CTDSPL: variants seen among roughly 807,000 people sequenced by gnomAD.
CTDSPL encodes the protein CTD small phosphatase-like protein.
CTDSPL carries 8 observed loss-of-function variants against 30.5 expected under a neutral mutation model. That is an observed-to-expected ratio of 0.26 (90% CI 0.15 to 0.47). The LOEUF is 0.47. Among genes scored for constraint, CTDSPL ranks in the 20% least tolerant of loss-of-function variants. The pLI, the probability that CTDSPL is intolerant of heterozygous loss-of-function variation, is 0.99. For missense variants in CTDSPL, 248 were observed against 366.1 expected (o/e 0.68, Z 2.63); for synonymous variants, 110 against 137.9 (o/e 0.80, Z 1.42).
At chr3:37,892,312 G>C (rs921016454) in intron 1 of CTDSPL, among the ~76,000 whole-genome samples, 4 of 152,114 alleles carry the variant, frequency 2.6e-5, no homozygotes, top group Non-Finnish European at 4.4e-5. Flanking sequence ...ATTAAAAAAG[G>C]CTAAATGAAG....
At chr3:37,961,352 A>C (rs1338414277) in intron 3 of CTDSPL, among the ~76,000 whole-genome samples, 1 of 152,196 alleles carries the variant, frequency 6.6e-6, no homozygotes, top group Non-Finnish European at 1.5e-5. Context: ...AGGGAACGAA[A>C]GTTTGAAACT....
chr3:37,974,003 C>T (rs549297093), intron 6 of CTDSPL, among the ~76,000 whole-genome samples: 8 of 152,364 alleles, frequency 5.3e-5, no homozygotes, highest in African/African-American at 1.7e-4. Flanking sequence ...CAGCTTTAGA[C>T]GTGGCCCAAC....
chr3:37,953,885 T>A (rs1216050831), intron 2 of CTDSPL, among the ~76,000 whole-genome samples: 1 of 152,134 alleles, frequency 6.6e-6, no homozygotes, highest in African/African-American at 2.4e-5. Flanking sequence ...GGTATAAACA[T>A]GGAAAAGATA....
intron 1 of CTDSPL, among the ~76,000 whole-genome samples, chr3:37,935,239 C>A (rs1381399257): frequency 2.0e-5 from 3 of 152,184 alleles, no homozygotes. Context: ...GAGCAACCAG[C>A]AACATGTGAG....
chr3:37,866,807 TA>T (rs1255530605), intron 1 of CTDSPL, among the ~76,000 whole-genome samples: 1 of 152,202 alleles, frequency 6.6e-6, no homozygotes, highest in Non-Finnish European at 1.5e-5. Flanking sequence ...CTAACAAAAT[TA>T]TAGCAAAGAG....
intron 6 of CTDSPL, among the ~76,000 whole-genome samples, chr3:37,974,721 C>T (rs185393838): frequency 2.0e-5 from 3 of 152,346 alleles, no homozygotes; most frequent in African/African-American, 7.2e-5. Flanking sequence ...AACTCCCATC[C>T]AGCTCCTGGG....
At chr3:37,930,345 C>T (rs1003890759) in intron 1 of CTDSPL, among the ~76,000 whole-genome samples, 2 of 152,126 alleles carry the variant, frequency 1.3e-5, no homozygotes, top group Admixed American at 6.5e-5. Flanking sequence ...ACAGCACCCT[C>T]AGCCTCCCAG....
At chr3:37,928,820 G>A (rs1484241252) in intron 1 of CTDSPL, among the ~76,000 whole-genome samples, 2 of 152,140 alleles carry the variant, frequency 1.3e-5, no homozygotes, top group African/African-American at 4.8e-5. Context: ...TTCATTACCT[G>A]TGGTTTTAGT....
At chr3:37,915,463 T>C (rs1698635026) in intron 1 of CTDSPL, among the ~76,000 whole-genome samples, 1 of 152,184 alleles carries the variant, frequency 6.6e-6, no homozygotes. Context: ...TTTTACCCTC[T>C]CATCTTTATT....
At chr3:37,864,610 ACTCTAGAGT>A (rs1489030274) in intron 1 of CTDSPL, among the ~76,000 whole-genome samples, 1 of 152,032 alleles carries the variant, frequency 6.6e-6, no homozygotes, top group Non-Finnish European at 1.5e-5. Flanking sequence ...GTCGCAATAA[ACTCTAGAGT>A]CAAATGTTGG....
At chr3:37,978,626 T>G (rs1054770299) in intron 7 of CTDSPL, among the ~76,000 whole-genome samples, 6 of 152,088 alleles carry the variant, frequency 3.9e-5, no homozygotes, top group Non-Finnish European at 7.4e-5. Flanking sequence ...CTCAAAAAAT[T>G]TTGGATTTTG....
At chr3:37,898,255 C>G (rs1429332887) in intron 1 of CTDSPL, among the ~76,000 whole-genome samples, 1 of 152,082 alleles carries the variant, frequency 6.6e-6, no homozygotes, top group Non-Finnish European at 1.5e-5. Context: ...AGGCCCAGGC[C>G]CCAGTGAGAG....
intron 3 of CTDSPL, among the ~76,000 whole-genome samples, chr3:37,960,531 T>TACACAC (rs1264623772): frequency 3.2e-4 from 15 of 47,286 alleles, no homozygotes; most frequent in African/African-American, 4.3e-4. Flanking sequence ...TATATATATA[T>TACACAC]ATATACACAC....
chr3:37,949,342 G>T (rs1223687787), intron 2 of CTDSPL, among the ~76,000 whole-genome samples: 1 of 152,046 alleles, frequency 6.6e-6, no homozygotes, highest in Non-Finnish European at 1.5e-5. Context: ...TTATGAATGT[G>T]CAAAGATTTA....
At chr3:37,904,278 C>T (rs906102365) in intron 1 of CTDSPL, among the ~76,000 whole-genome samples, 1 of 152,216 alleles carries the variant, frequency 6.6e-6, no homozygotes, top group African/African-American at 2.4e-5. Context: ...GGCTATTTAG[C>T]ACCAGTTCCC....
chr3:37,946,958 G>A (rs1365232729), intron 1 of CTDSPL, 99 bp from the exon 2 acceptor site: 27 of 1,340,240 alleles, frequency 2.0e-5, no homozygotes, highest in Non-Finnish European at 2.6e-5. Flanking sequence ...GCTGGAATCT[G>A]GGGTCTGGGG....
At chr3:37,971,290 C>A in intron 5 of CTDSPL, 117 bp from the exon 6 acceptor site, 1 of 845,598 alleles carries the variant, frequency 1.2e-6, no homozygotes, top group Non-Finnish European at 1.9e-6. Context: ...TATGCATAGA[C>A]CTGGGGGAGG....
chr3:37,876,900 G>C (rs7610375), intron 1 of CTDSPL, among the ~76,000 whole-genome samples: 2,207 of 151,936 alleles, frequency 0.015, 47 homozygotes, highest in African/African-American at 0.05. Context: ...GAGGTCAGGA[G>C]TTCAAGACCA....
At chr3:37,968,212 C>A in intron 5 of CTDSPL, 1 of 463,264 alleles carries the variant, frequency 2.2e-6, no homozygotes. Flanking sequence ...GGCTACTCTC[C>A]TAGCAGGCAA....
Sources: gnomAD v4.1 joint callset for allele counts (sites outside exome capture counted in the v4.1 genomes callset) on GRCh38, gnomAD v4.1.1 for gene constraint, MANE v1.5 for transcripts, NCBI Gene and HGNC (gene_info 2026-07-23, HGNC 2026-07-21) for gene names.